UBE2V2: variants seen among roughly 807,000 people sequenced by gnomAD.
UBE2V2 encodes ubiquitin-conjugating enzyme E2 variant 2.
UBE2V2 carries 9 observed loss-of-function variants against 17.2 expected under a neutral mutation model. The observed-to-expected ratio is 0.52, with a 90% CI of 0.32 to 0.91. UBE2V2 has a LOEUF of 0.91. Ranked by LOEUF, UBE2V2 falls within the 40% of genes least tolerant of loss-of-function variation. The pLI is 0.04. For missense variants in UBE2V2, 133 were observed against 182.6 expected, an observed-to-expected ratio of 0.73 and a Z score of 1.56; for synonymous variants, 61 against 57.5, an observed-to-expected ratio of 1.06 and a Z score of -0.28.
At chr8:48,012,403 A>G (rs992937117) in intron 1 of UBE2V2, among the ~76,000 whole-genome samples, 2 of 152,212 alleles carry the variant, frequency 1.3e-5, no homozygotes, top group African/African-American at 4.8e-5. Flanking sequence ...CAGCATTAAT[A>G]ATAACAATTA....
intron 3 of UBE2V2, among the ~76,000 whole-genome samples, chr8:48,052,896 C>A (rs1362567395): frequency 2.0e-5 from 3 of 152,168 alleles, no homozygotes; most frequent in Admixed American, 2.0e-4. Context: ...TCCTTCATTT[C>A]TCACTGTAAA....
chr8:48,021,611 T>A (rs1224133995), intron 1 of UBE2V2, among the ~76,000 whole-genome samples: 1 of 151,770 alleles, frequency 6.6e-6, no homozygotes, highest in African/African-American at 2.4e-5. Context: ...CGGCCGGTCT[T>A]GAACTCTTGA....
At chr8:48,002,631 G>T in the UBE2V2 span, among the ~76,000 whole-genome samples, 1 of 151,846 alleles carries the variant, frequency 6.6e-6, no homozygotes, top group Non-Finnish European at 1.5e-5. Flanking sequence ...AGAGGAGAAG[G>T]GGAGGGGAGG....
the UBE2V2 span, among the ~76,000 whole-genome samples, chr8:48,003,301 G>A: frequency 2.6e-5 from 4 of 151,960 alleles, no homozygotes; most frequent in African/African-American, 4.8e-5. Flanking sequence ...CAAGTGGGAT[G>A]AGCACTGGGA....
the UBE2V2 span, among the ~76,000 whole-genome samples, chr8:47,998,541 T>C: frequency 6.6e-6 from 1 of 151,786 alleles, no homozygotes. Context: ...ACAGTCTCTT[T>C]TTACTCACCC....
At chr8:48,042,237 AT>A (rs2091468336) in intron 1 of UBE2V2, 1 of 152,248 alleles carries the variant, frequency 6.6e-6, no homozygotes, top group Non-Finnish European at 1.5e-5. Context: ...ACTAACTAAA[AT>A]TAGGAATTTT....
At chr8:48,055,866 C>G (rs1161526964) in intron 3 of UBE2V2, among the ~76,000 whole-genome samples, 1 of 151,206 alleles carries the variant, frequency 6.6e-6, no homozygotes, top group Admixed American at 6.6e-5. Context: ...TCATGCCATT[C>G]TCCTGCCTCA....
At chr8:48,010,699 T>TTTG (rs1401024433) in intron 1 of UBE2V2, among the ~76,000 whole-genome samples, 14 of 125,308 alleles carry the variant, frequency 1.1e-4, no homozygotes, top group African/African-American at 4.3e-4. Context: ...GGTTTGTTTG[T>TTTG]TTTTTTTTTT....
the UBE2V2 span, among the ~76,000 whole-genome samples, chr8:47,998,770 G>T: frequency 6.6e-6 from 1 of 152,006 alleles, no homozygotes; most frequent in African/African-American, 2.4e-5. Context: ...GCACCAGAAT[G>T]TAAGGTCAGC....
intron 3 of UBE2V2, among the ~76,000 whole-genome samples, chr8:48,052,064 A>G (rs1193095339): frequency 2.0e-5 from 3 of 152,054 alleles, no homozygotes; most frequent in African/African-American, 7.2e-5. Flanking sequence ...ATTTTTCTAC[A>G]TGTTTCTTGC....
chr8:48,018,157 A>T (rs1172969718), intron 1 of UBE2V2, among the ~76,000 whole-genome samples: 2 of 152,138 alleles, frequency 1.3e-5, no homozygotes, highest in African/African-American at 4.8e-5. Flanking sequence ...CAATTTTGCC[A>T]CTTCTGTTCA....
At chr8:48,046,640 A>G (rs193075828) in intron 2 of UBE2V2, among the ~76,000 whole-genome samples, 2 of 152,034 alleles carry the variant, frequency 1.3e-5, no homozygotes, top group East Asian at 2.0e-4. Flanking sequence ...CACTCTGTCA[A>G]CCAGGCTGGA....
intron 3 of UBE2V2, among the ~76,000 whole-genome samples, chr8:48,058,233 C>G (rs1461499546): frequency 1.3e-5 from 2 of 152,098 alleles, no homozygotes; most frequent in Non-Finnish European, 2.9e-5. Flanking sequence ...CTTTGGGAGG[C>G]TGAGGCGGGT....
intron 1 of UBE2V2, among the ~76,000 whole-genome samples, chr8:48,021,329 C>T (rs1172827686): frequency 1.0e-3 from 126 of 121,554 alleles, no homozygotes; most frequent in African/African-American, 3.3e-3. Context: ...TTTTTTGAGA[C>T]GGAGTCTCGC....
At chr8:48,046,393 C>T (rs1380416731) in intron 2 of UBE2V2, among the ~76,000 whole-genome samples, 1 of 151,792 alleles carries the variant, frequency 6.6e-6, no homozygotes, top group East Asian at 1.9e-4. Context: ...GCTGGGATTA[C>T]AGGCGTGAGC....
intron 3 of UBE2V2, among the ~76,000 whole-genome samples, chr8:48,059,490 C>T (rs955865193): frequency 6.6e-6 from 1 of 151,930 alleles, no homozygotes; most frequent in African/African-American, 2.4e-5. Flanking sequence ...CTCACTGCAG[C>T]CTCCACCTCC....
chr8:48,049,091 A>G (rs2091518702), intron 2 of UBE2V2, among the ~76,000 whole-genome samples: 1 of 152,148 alleles, frequency 6.6e-6, no homozygotes, highest in Admixed American at 6.5e-5. Flanking sequence ...TAAGCCCTGG[A>G]TAATCTAGAA....
rs556593817 is a variant in UBE2V2, at chr8:48,045,712, G to A, written c.165+2531G>A. Among the ~76,000 whole-genome samples, 3 of 152,262 alleles carry A rather than the reference G, an allele frequency of 2.0e-5. No individual in the cohort carries two copies. In the South Asian group the frequency reaches 6.2e-4, roughly 32 times the overall value. On this transcript the variant is annotated intron_variant, in intron 2 of 3. Coordinates refer to ENST00000523111, the MANE Select transcript of UBE2V2 (RefSeq NM_003350.3). Reference sequence around the variant, plus strand: ...GAGGTAGGAGGGTGTGCCCTGCAAAGGCACAGGCTTCTTCTGGAACTGGCC... The same window carrying A: ...GAGGTAGGAGGGTGTGCCCTGCAAAAGCACAGGCTTCTTCTGGAACTGGCC...
chr8:48,041,113 C>T (rs1339459089), intron 1 of UBE2V2, among the ~76,000 whole-genome samples: 8 of 150,972 alleles, frequency 5.3e-5, no homozygotes, highest in Non-Finnish European at 1.2e-4. Flanking sequence ...ATCTGCCCAC[C>T]TCGGCCTCCC....
Sources: allele counts gnomAD v4.1 joint callset (sites outside exome capture counted in the v4.1 genomes callset), GRCh38; gene constraint gnomAD v4.1.1; transcripts MANE v1.5; gene names NCBI Gene and HGNC (gene_info 2026-07-23, HGNC 2026-07-21).